Variants in TANC1 observed in about 807,000 individuals in gnomAD.
TANC1 encodes the protein tetratricopeptide repeat, ankyrin repeat and coiled-coil containing 1, also known as protein TANC1.
In TANC1, 77 loss-of-function variants were observed where a neutral mutation model predicts 149.7. That is an observed-to-expected ratio of 0.51 (90% CI 0.43 to 0.62). The LOEUF (loss-of-function observed/expected upper bound fraction) is 0.62, where lower values mean the gene tolerates loss of function less well. Among genes scored for constraint, TANC1 ranks in the 20% least tolerant of loss-of-function variants. The pLI is 0.00. For synonymous variants in TANC1, 854 were observed against 925.0 expected, an observed-to-expected ratio of 0.92 and a Z score of 1.39; for missense variants, 1,985 against 2,321.8, an observed-to-expected ratio of 0.85 and a Z score of 2.98.
chr2:159,050,564 G>A (rs1465134108), intron 2 of TANC1, among the ~76,000 whole-genome samples: 1 of 152,210 alleles, frequency 6.6e-6, no homozygotes, highest in East Asian at 1.9e-4. Context: ...AGGAAGAAGT[G>A]GAATGAGGTG....
At chr2:159,113,328 A>C (rs4665025) in intron 4 of TANC1, among the ~76,000 whole-genome samples, 2 of 152,138 alleles carry the variant, frequency 1.3e-5, no homozygotes, top group Non-Finnish European at 2.9e-5. Context: ...TCTACCCAGG[A>C]TATTGTATTG....
chr2:159,229,707 A>G lies in TANC1; in HGVS notation c.4281A>G (p.Lys1427=). The G allele has an allele frequency of 6.2e-7, 1 of 1,613,954 alleles. No individual in the cohort carries two copies. Among genetic ancestry groups the G allele is most frequent in the Non-Finnish European group, 8.5e-7 (1 of 1,179,986 alleles). The change falls in exon 27 of 27, where the codon AAA becomes AAG. Residue 1427 remains lysine (K), a synonymous_variant. Transcript: ENST00000263635. The part of the protein sequence containing the change: ...CKQLQRSQQQ[K]QQGPLPAPLN... ...AACTCCAGAGGAGTCAACAGCAAAA[A>G]CAGCAGGGCCCGCTACCAGCTCCAC... is the stretch of plus-strand genomic sequence containing the variant.
chr2:158,996,177 C>A (rs914756258), intron 1 of TANC1, among the ~76,000 whole-genome samples: 1 of 152,132 alleles, frequency 6.6e-6, no homozygotes, highest in Non-Finnish European at 1.5e-5. Context: ...ATAGTAAGAC[C>A]CCCCAAGTCT....
In TANC1 at chr2:159,229,662, C is replaced by T. The variant is rs1314150408; in HGVS notation, c.4236C>T (p.Arg1412=). 3.1e-6 allele frequency: 5 copies of T among 1,613,986 alleles called. No individual in the cohort carries two copies. The highest frequency in any genetic ancestry group is 1.6e-4 in the Middle Eastern group (1 of 6,062). ...TNQEVKRLLA[R]VEEECKQLQR... Reference sequence around the variant, plus strand: ...AGGAAGTCAAGAGGCTTCTGGCCCGCGTAGAAGAGGAGTGCAAACAACTCC... The same window carrying T: ...AGGAAGTCAAGAGGCTTCTGGCCCGTGTAGAAGAGGAGTGCAAACAACTCC... Residue 1412 remains arginine (R), a synonymous_variant, in exon 27 of 27, where the codon CGC becomes CGT. Transcript: ENST00000263635.
chr2:159,203,538 G>A (rs1365506828), intron 19 of TANC1, among the ~76,000 whole-genome samples: 1 of 151,942 alleles, frequency 6.6e-6, no homozygotes, highest in African/African-American at 2.4e-5. Flanking sequence ...TTATTTGATA[G>A]GAGGCTGCTT....
chr2:159,203,512 G>A (rs555012761), intron 19 of TANC1, among the ~76,000 whole-genome samples: 5 of 152,200 alleles, frequency 3.3e-5, no homozygotes, highest in African/African-American at 1.2e-4. Context: ...GCCTTGATAG[G>A]CTTATTTGAT....
At chr2:159,107,048 C>T (rs779673018) in intron 4 of TANC1, among the ~76,000 whole-genome samples, 25 of 152,072 alleles carry the variant, frequency 1.6e-4, no homozygotes, top group African/African-American at 4.3e-4. Context: ...GTTTTTGAGA[C>T]GGAGTCTCGC....
intron 1 of TANC1, among the ~76,000 whole-genome samples, chr2:158,983,904 G>A (rs1476808294): frequency 2.0e-5 from 3 of 152,214 alleles, no homozygotes; most frequent in Non-Finnish European, 4.4e-5. Flanking sequence ...TGGAGGAACA[G>A]TTTGGAGAAT....
chr2:159,150,837 T>G lies in TANC1; in HGVS notation c.682+281T>G, dbSNP rs76489613. On this transcript the variant is annotated intron_variant, in intron 7 of 26. Transcript: ENST00000263635. The stretch of plus-strand genomic sequence containing the variant: ...TGGCCTGTGAAACAAAAATCATTGC[T>G]CTTCTATATTCAGTTCCATTTGTTG... 291 of 337,256 alleles carry G rather than the reference T, an allele frequency of 8.6e-4. 1 individual carries two copies. The highest frequency in any genetic ancestry group is 5.8e-3 in the African/African-American group (276 of 47,374). 20.9% of individuals were successfully genotyped at this position (337,256 alleles called of 1,614,324 possible). A position where few individuals can be genotyped will look rare whatever the true frequency, so the allele number is the denominator to read the frequency against.
chr2:159,038,812 CTT>C (rs1343877575), intron 2 of TANC1, among the ~76,000 whole-genome samples: 2 of 151,880 alleles, frequency 1.3e-5, no homozygotes, highest in African/African-American at 4.8e-5. Context: ...CTAAAATTCT[CTT>C]TTTGTTGTGT....
intron 2 of TANC1, among the ~76,000 whole-genome samples, chr2:159,043,003 C>T (rs924232734): frequency 1.3e-5 from 2 of 152,046 alleles, no homozygotes; most frequent in Admixed American, 6.6e-5. Flanking sequence ...GGTGGTAAAC[C>T]GGATGCATCT....
chr2:159,003,900 A>G (rs1486900170), intron 2 of TANC1: 11 of 1,612,826 alleles, frequency 6.8e-6, no homozygotes, highest in Admixed American at 1.7e-5. Context: ...GGGGGCAAGG[A>G]TACAGCTCGC....
intron 4 of TANC1, among the ~76,000 whole-genome samples, chr2:159,108,193 G>A (rs1032145967): frequency 5.3e-5 from 8 of 152,160 alleles, no homozygotes; most frequent in African/African-American, 1.2e-4. Context: ...GAAAAGTGAC[G>A]CTTTAGGTCC....
At chr2:158,988,215 C>T (rs2035228516) in intron 1 of TANC1, among the ~76,000 whole-genome samples, 2 of 151,320 alleles carry the variant, frequency 1.3e-5, no homozygotes, top group Non-Finnish European at 2.9e-5. Flanking sequence ...ATCCCAGCTA[C>T]TCAGGAGGCT....
chr2:159,085,784 C>A (rs1021771481), intron 3 of TANC1, among the ~76,000 whole-genome samples: 2 of 152,126 alleles, frequency 1.3e-5, no homozygotes, highest in African/African-American at 4.8e-5. Flanking sequence ...AAGGATCCAC[C>A]CCCGTGACCC....
chr2:159,098,493 G>T (rs1436912702), intron 4 of TANC1, among the ~76,000 whole-genome samples: 1 of 152,180 alleles, frequency 6.6e-6, no homozygotes, highest in Non-Finnish European at 1.5e-5. Context: ...CTCATACGTG[G>T]TGTGTTTAAA....
At chr2:159,143,495 C>T (rs12990463) in intron 5 of TANC1, among the ~76,000 whole-genome samples, 35,958 of 131,134 alleles carry the variant, frequency 0.27, 5,340 homozygotes, top group Middle Eastern at 0.36. Flanking sequence ...GGCAGGAGGA[C>T]TGCTTGAGCC....
At chr2:158,989,694 A>AGACTGTC (rs2035407972) in intron 1 of TANC1, among the ~76,000 whole-genome samples, 1 of 150,764 alleles carries the variant, frequency 6.6e-6, no homozygotes, top group South Asian at 2.1e-4. Context: ...ACTTTTTGGG[A>AGACTGTC]GACTGTCGTG....
intron 1 of TANC1, among the ~76,000 whole-genome samples, chr2:158,974,125 A>C (rs1045269611): frequency 1.6e-4 from 25 of 152,172 alleles, no homozygotes; most frequent in Non-Finnish European, 3.2e-4. Flanking sequence ...AGGGATGGTC[A>C]CCATACAACA....
Sources: gnomAD v4.1 joint callset for allele counts (sites outside exome capture counted in the v4.1 genomes callset) on GRCh38, gnomAD v4.1.1 for gene constraint, MANE v1.5 for transcripts, NCBI Gene and HGNC (gene_info 2026-07-23, HGNC 2026-07-21) for gene names.